Variants in RGS6 observed in about 807,000 individuals in gnomAD.
RGS6 encodes the protein regulator of G protein signaling 6.
In RGS6, 30 loss-of-function variants were observed where a neutral mutation model predicts 78.5. The ratio of observed to expected loss-of-function variants is 0.38; its 90% CI spans 0.29 to 0.52. The LOEUF (loss-of-function observed/expected upper bound fraction) is 0.52. Among genes scored for constraint, RGS6 ranks in the 20% least tolerant of loss-of-function variants. RGS6 has a pLI of 0.85. For synonymous variants in RGS6, 206 were observed against 206.0 expected, an observed-to-expected ratio of 1.00 and a Z score of 0.00; for missense variants, 495 against 609.7, an observed-to-expected ratio of 0.81 and a Z score of 1.98.
chr14:72,225,039 T>A (rs1011859212), intron 2 of RGS6, among the ~76,000 whole-genome samples: 4 of 152,208 alleles, frequency 2.6e-5, no homozygotes, highest in African/African-American at 9.7e-5. Context: ...GTGGCAAGCC[T>A]AGATGCCCCA....
At chr14:72,080,869 T>C (rs2094793760) in intron 2 of RGS6, among the ~76,000 whole-genome samples, 1 of 152,180 alleles carries the variant, frequency 6.6e-6, no homozygotes, top group Non-Finnish European at 1.5e-5. Context: ...CCTTGTTCCA[T>C]TGGCCTAAGT....
At chr14:72,111,962 A>T (rs1257572553) in intron 2 of RGS6, among the ~76,000 whole-genome samples, 1 of 152,124 alleles carries the variant, frequency 6.6e-6, no homozygotes, top group Non-Finnish European at 1.5e-5. Context: ...CTGCCAATTT[A>T]TCGGTTTTAC....
upstream of RGS6, among the ~76,000 whole-genome samples, chr14:71,927,802 C>T (rs986747730): frequency 2.6e-5 from 4 of 151,650 alleles, no homozygotes; most frequent in Admixed American, 1.3e-4. Flanking sequence ...GGACTACAGG[C>T]GCGCGCCACC....
chr14:72,413,723 T>C (rs2093602489), intron 3 of RGS6, among the ~76,000 whole-genome samples: 1 of 152,216 alleles, frequency 6.6e-6, no homozygotes, highest in African/African-American at 2.4e-5. Flanking sequence ...TTCCTTTCCA[T>C]GTTTAGTGCT....
At chr14:72,212,724 A>C (rs139689970) in intron 2 of RGS6, among the ~76,000 whole-genome samples, 171 of 152,268 alleles carry the variant, frequency 1.1e-3, no homozygotes, top group Non-Finnish European at 1.8e-3. Flanking sequence ...TCTAGGAGTG[A>C]TTCTCTAGTC....
chr14:72,073,611 T>C (rs1424827972), intron 2 of RGS6, among the ~76,000 whole-genome samples: 2 of 152,138 alleles, frequency 1.3e-5, no homozygotes, highest in Non-Finnish European at 2.9e-5. Flanking sequence ...CACTTAGACA[T>C]GCCAGTTCAC....
the RGS6 span, among the ~76,000 whole-genome samples, chr14:71,913,632 G>T: frequency 6.6e-6 from 1 of 152,226 alleles, no homozygotes; most frequent in African/African-American, 2.4e-5. Context: ...TGTTCTGGCC[G>T]ATGAGACTTA....
intron 3 of RGS6, among the ~76,000 whole-genome samples, chr14:72,392,920 C>A (rs1277121959): frequency 6.6e-6 from 1 of 152,162 alleles, no homozygotes; most frequent in Non-Finnish European, 1.5e-5. Context: ...GAAGCAGCAG[C>A]TAATAACATT....
intron 2 of RGS6, among the ~76,000 whole-genome samples, chr14:72,311,506 G>A (rs1480192889): frequency 6.6e-6 from 1 of 151,962 alleles, no homozygotes; most frequent in Non-Finnish European, 1.5e-5. Flanking sequence ...AAAATAATAG[G>A]GAAGAAAACA....
At chr14:72,158,601 G>C (rs756710607) in intron 2 of RGS6, among the ~76,000 whole-genome samples, 1 of 151,972 alleles carries the variant, frequency 6.6e-6, no homozygotes, top group African/African-American at 2.4e-5. Flanking sequence ...AATTATGTTC[G>C]TCACCTCCTG....
At chr14:72,109,052 T>C (rs1737412362) in intron 2 of RGS6, among the ~76,000 whole-genome samples, 1 of 152,150 alleles carries the variant, frequency 6.6e-6, no homozygotes, top group Admixed American at 6.5e-5. Flanking sequence ...TCTTCTATTG[T>C]TTTTATGTAA....
chr14:72,375,209 T>A (rs2084394090), intron 3 of RGS6, among the ~76,000 whole-genome samples: 1 of 152,196 alleles, frequency 6.6e-6, no homozygotes, highest in Non-Finnish European at 1.5e-5. Context: ...TCTTTATTAT[T>A]TCCTTCCAAA....
intron 2 of RGS6, among the ~76,000 whole-genome samples, chr14:72,079,254 AT>A (rs894474647): frequency 6.6e-6 from 1 of 152,050 alleles, no homozygotes; most frequent in East Asian, 1.9e-4. Flanking sequence ...ATATTATTAA[AT>A]TTTTTTCTAC....
At chr14:71,985,200 T>C (rs1247631381) in intron 2 of RGS6, among the ~76,000 whole-genome samples, 2 of 151,984 alleles carry the variant, frequency 1.3e-5, no homozygotes, top group Non-Finnish European at 2.9e-5. Flanking sequence ...CTCGGCTCAC[T>C]GCAACCGCCG....
At chr14:72,590,297 G>A in the RGS6 span, among the ~76,000 whole-genome samples, 1 of 152,178 alleles carries the variant, frequency 6.6e-6, no homozygotes, top group African/African-American at 2.4e-5. Flanking sequence ...ATTTAACCAA[G>A]AAATAAAAAT....
intron 3 of RGS6, among the ~76,000 whole-genome samples, chr14:72,377,899 G>C (rs1194673978): frequency 6.6e-6 from 1 of 152,186 alleles, no homozygotes; most frequent in Non-Finnish European, 1.5e-5. Context: ...GCTCTCTTGA[G>C]CCCAAGAGGG....
intron 2 of RGS6, among the ~76,000 whole-genome samples, chr14:72,328,442 A>C (rs2074277286): frequency 6.6e-6 from 1 of 152,220 alleles, no homozygotes; most frequent in African/African-American, 2.4e-5. Context: ...TGCAAGGAGC[A>C]AGAAATGGTT....
chr14:71,894,616 T>C, the RGS6 span, among the ~76,000 whole-genome samples: 2 of 152,186 alleles, frequency 1.3e-5, no homozygotes, highest in Admixed American at 1.3e-4. Context: ...GAACTTTCTC[T>C]TGGGGTTTGC....
chr14:72,000,137 T>C (rs2083160637), intron 2 of RGS6, among the ~76,000 whole-genome samples: 1 of 152,198 alleles, frequency 6.6e-6, no homozygotes, highest in Admixed American at 6.5e-5. Flanking sequence ...ACACATTACC[T>C]CAGGAAGAAT....
Sources: allele counts gnomAD v4.1 joint callset (sites outside exome capture counted in the v4.1 genomes callset), GRCh38; gene constraint gnomAD v4.1.1; transcripts MANE v1.5; gene names NCBI Gene and HGNC (gene_info 2026-07-23, HGNC 2026-07-21).